AHNAK: variants seen among roughly 807,000 people sequenced by gnomAD.
The protein encoded by AHNAK is AHNAK nucleoprotein.
Under a neutral mutation model 37.8 loss-of-function variants are expected in AHNAK, and 23 were observed. The observed-to-expected ratio is 0.61, with a 90% CI of 0.44 to 0.86. The LOEUF is 0.86. Among genes scored for constraint, AHNAK ranks in the 40% least tolerant of loss-of-function variants. AHNAK has a pLI of 0.00. For synonymous variants in AHNAK, 2,481 were observed against 2,636.3 expected, an observed-to-expected ratio of 0.94 and a Z score of 1.80; for missense variants, 7,411 against 7,319.4, an observed-to-expected ratio of 1.01 and a Z score of -0.46.
chr11:62,483,858 C>CA (rs1173299582), intron 5 of AHNAK, among the ~76,000 whole-genome samples: 1,188 of 77,752 alleles, frequency 0.015, 8 homozygotes, highest in Non-Finnish European at 0.02. Context: ...GACTCCATCT[C>CA]AAAAAAAAAA....
chr11:62,527,230 T>C lies in AHNAK; in HGVS notation c.7187A>G (p.Lys2396Arg), dbSNP rs774541938. 1 of 1,613,522 alleles carries C rather than the reference T, an allele frequency of 6.2e-7. No homozygotes were observed. The highest frequency in any genetic ancestry group is 1.1e-5 in the South Asian group (1 of 90,922). ...CACCTCTCCTTTTGCCTTGGGGCTC[T>C]TCAAGTGTAGATCGAGGTCTGGCAT... ...ISMPDLDLHL[K>R]SPKAKGEVDV... The change falls in exon 5 of 5, where the codon AAG becomes AGG. Residue 2396 changes from lysine (K) to arginine (R), a missense_variant. Physicochemically the swap from Lys to Arg is conservative, Grantham distance 26 (BLOSUM62 2). Transcript: ENST00000378024.
intron 4 of AHNAK, among the ~76,000 whole-genome samples, chr11:62,498,404 A>ATGTAATTATAATTACACTATATGG (rs1939652487): frequency 6.7e-6 from 1 of 150,370 alleles, no homozygotes; most frequent in Non-Finnish European, 1.5e-5. Flanking sequence ...ATTACACTAA[A>ATGTAATTATAATTACACTATATGG]TGTAATTATA....
Position 62,521,630 on chromosome 11 carries a change from C to A in AHNAK, c.12787G>T (p.Asp4263Tyr), listed in dbSNP as rs762905067. The change falls in exon 5 of 5, where the codon GAT (aspartate) becomes TAT (tyrosine). Residue 4263 changes from aspartate to tyrosine, a missense_variant. Physicochemically the swap from Asp to Tyr is radical, Grantham distance 160. Transcript: ENST00000378024. ...ACCTTGGGACCTTTCAGATGCAAAT[C>A]AAAGTCAGGCATGGAGATCTTGGGG... Reference protein sequence around the residue: ...KAPKISMPDFDLHLKGPKVKG... With the variant: ...KAPKISMPDFYLHLKGPKVKG... 1 of 1,613,486 alleles carries A rather than the reference C, an allele frequency of 6.2e-7. No homozygotes were observed. Among genetic ancestry groups the A allele is most frequent in the Admixed American group, 1.7e-5 (1 of 59,940 alleles).
At position 62,516,589 on chromosome 11, in the gene AHNAK, G is replaced by A; in HGVS notation, c.*155C>T. On this transcript the variant is annotated 3_prime_UTR_variant, in exon 5 of 5. Transcript: ENST00000378024. ...GTATAGTTCCAGGAGCCTACAGGCG[G>A]TCGGTTTTTCAGCGCTTGCCACCGG... 1.4e-6 allele frequency: 2 copies of A among 1,473,646 alleles called. No homozygotes were observed. Among genetic ancestry groups the A allele is most frequent in the Non-Finnish European group, 8.9e-7 (1 of 1,123,380 alleles). The allele number at this position is 1,473,646 out of a possible 1,614,324, so 91.3% of individuals were successfully genotyped here. A position where few individuals can be genotyped will look rare whatever the true frequency, so the allele number is the denominator to read the frequency against.
Position 62,533,114 on chromosome 11 carries a change from T to C in AHNAK, c.1303A>G (p.Lys435Glu). Residue 435 changes from lysine to glutamate, a missense_variant, in exon 5 of 5, where the codon AAA becomes GAA. Lys to Glu is a moderately conservative substitution (Grantham distance 56). Transcript: ENST00000378024. ...CCTGATACAGAGAACTTGGGGACTT[T>C]CATCTTGGGCACATTCAGTTTGCTC... ...PGSKLNVPKM[K>E]VPKFSVSGAK... 6.3e-7 allele frequency: 1 copy of C among 1,578,000 alleles called. No individual in the cohort carries two copies.
rs1421127589 is a variant in AHNAK, at chr11:62,523,359, C to G, written c.11058G>C (p.Lys3686Asn). 6.2e-7 allele frequency: 1 copy of G among 1,612,518 alleles called. No homozygotes were observed. The highest frequency in any genetic ancestry group is 8.5e-7 in the Non-Finnish European group (1 of 1,179,482). The change falls in exon 5 of 5, where the codon AAG becomes AAC. Residue 3686 changes from lysine (K) to asparagine (N), a missense_variant. By Grantham distance (94) the Lys-to-Asn change is moderately conservative. Coordinates refer to ENST00000378024, the MANE Select transcript of AHNAK (RefSeq NM_001620.3). ...TGGGCAAAGACACAACCACATCACC[C>G]TTCATTTTGGGTCCCTTCAAGTTCA... The part of the protein sequence containing the change: ...FDLNLKGPKM[K>N]GDVVVSLPKV...
At chr11:62,490,583 T>C (rs1939488424) in intron 5 of AHNAK, among the ~76,000 whole-genome samples, 1 of 152,006 alleles carries the variant, frequency 6.6e-6, no homozygotes, top group Non-Finnish European at 1.5e-5. Flanking sequence ...GGTGGAGCGC[T>C]GGGCAAGGAA....
chr11:62,524,375 T>C lies in AHNAK; in HGVS notation c.10042A>G (p.Lys3348Glu), dbSNP rs937876885. Residue 3348 changes from lysine to glutamate, a missense_variant, in exon 5 of 5, where the codon AAG becomes GAG. Physicochemically the swap from Lys to Glu is moderately conservative, Grantham distance 56 (BLOSUM62 1). Transcript: ENST00000378024. ...TTGGGAAGCTTAAAACGAGATTTCT[T>C]TGACTTGCCTTCGATATTAAGCTTA... ...GPKLNIEGKS[K>E]KSRFKLPKFN... 9 of 1,612,906 alleles carry C rather than the reference T, an allele frequency of 5.6e-6. No individual in the cohort carries two copies. The Admixed American group carries it at 1.0e-4, about 18-fold the overall frequency.
chr11:62,533,942 C>T lies in AHNAK; in HGVS notation c.475G>A (p.Ala159Thr). The T allele has an allele frequency of 1.2e-6, 2 of 1,614,082 alleles. No homozygotes were observed. Among genetic ancestry groups the T allele is most frequent in the Non-Finnish European group, 1.7e-6 (2 of 1,179,982 alleles). Reference protein sequence around the residue: ...RTITVTRRVTAYTVDVTGREG... With the variant: ...RTITVTRRVTTYTVDVTGREG... Reference sequence around the variant, plus strand: ...CGGCCAGTCACATCCACAGTGTAGGCCGTGACCCTTCTGGTCACTGTGATG... The same window carrying T: ...CGGCCAGTCACATCCACAGTGTAGGTCGTGACCCTTCTGGTCACTGTGATG... The change falls in exon 5 of 5, where the codon GCC becomes ACC. Residue 159 changes from alanine (A) to threonine (T), a missense_variant. Ala to Thr is a moderately conservative substitution (Grantham distance 58). Coordinates refer to ENST00000378024, the MANE Select transcript of AHNAK (RefSeq NM_001620.3).
Position 62,486,719 on chromosome 11 carries a change from T to C in AHNAK, c.442+5013A>G, listed in dbSNP as rs557017493. On this transcript the variant is annotated intron_variant, in intron 5 of 5. Coordinates refer to the AHNAK transcript ENST00000257247. ...ACTGAGCTGTACACCTAAAAATGGT[T>C]AAAATGGTCAATTTTATGTTATGTC... Among the ~76,000 whole-genome samples the C allele has an allele frequency of 2.0e-5, 3 of 150,720 alleles. No homozygotes were observed. In the South Asian group the frequency reaches 6.3e-4, roughly 32 times the overall value.
At chr11:62,534,163 C>G in intron 4 of AHNAK, 89 bp from the exon 5 acceptor site, 1 of 1,387,046 alleles carries the variant, frequency 7.2e-7, no homozygotes, top group South Asian at 1.5e-5. Flanking sequence ...AACACGTTGC[C>G]TGTTTCCCAG....
chr11:62,488,488 G>A (rs2905811), intron 5 of AHNAK, among the ~76,000 whole-genome samples: 4 of 150,374 alleles, frequency 2.7e-5, no homozygotes, highest in Admixed American at 2.7e-4. Flanking sequence ...TGCAGCCTCC[G>A]CCCCCTGGGT....
In AHNAK at chr11:62,522,410, T is replaced by C. The variant is rs746378899; in HGVS notation, c.12007A>G (p.Met4003Val). 3.7e-6 allele frequency: 6 copies of C among 1,614,152 alleles called. No individual in the cohort carries two copies. The highest frequency in any genetic ancestry group is 4.2e-6 in the Non-Finnish European group (5 of 1,180,038). Residue 4003 changes from methionine (M) to valine (V), a missense_variant, in exon 5 of 5, where the codon ATG (methionine) becomes GTG (valine). Met to Val is a conservative substitution (Grantham distance 21). Transcript: ENST00000378024. ...TTCAGATGCAAATCAAAGTCAGGCA[T>C]GGAGATCTTGGGGGCTTTGATGTTC... ...EMNIKAPKIS[M>V]PDFDLHLKGP... is the part of the protein sequence containing the mutation.
At chr11:62,448,184 G>A (rs1255613402) in intron 5 of AHNAK, among the ~76,000 whole-genome samples, 1 of 152,162 alleles carries the variant, frequency 6.6e-6, no homozygotes, top group East Asian at 1.9e-4. Flanking sequence ...GAGTGATGAG[G>A]AGAGGGGACA....
In AHNAK at chr11:62,533,018, C is replaced by T. The variant is rs141497648; in HGVS notation, c.1399G>A (p.Gly467Arg). The T allele has an allele frequency of 2.9e-5, 46 of 1,613,978 alleles. No homozygotes were observed. The highest frequency in any genetic ancestry group is 3.8e-5 in the Non-Finnish European group (45 of 1,180,024). Residue 467 changes from glycine to arginine, a missense_variant, in exon 5 of 5, where the codon GGG becomes AGG. Transcript: ENST00000378024. ...GCAATCTCAGGCAGGCTGACATCCCCAGAGACCCCAGGAACAGTCACTTCA... is the reference window on the plus strand; with the variant it reads ...GCAATCTCAGGCAGGCTGACATCCCTAGAGACCCCAGGAACAGTCACTTCA... ...TGEVTVPGVSGDVSLPEIATG... is the reference protein window; with the variant it reads ...TGEVTVPGVSRDVSLPEIATG...
chr11:62,490,392 G>T (rs2134892848), intron 5 of AHNAK, among the ~76,000 whole-genome samples: 1 of 151,924 alleles, frequency 6.6e-6, no homozygotes, highest in East Asian at 1.9e-4. Context: ...GTAGAGACAG[G>T]GTTTCACCGT....
At chr11:62,458,224 G>T (rs1938709982) in intron 5 of AHNAK, among the ~76,000 whole-genome samples, 1 of 152,104 alleles carries the variant, frequency 6.6e-6, no homozygotes. Flanking sequence ...GGCCTGAAAA[G>T]CTGAAATTTT....
rs761042478 is a variant in AHNAK, at chr11:62,532,127, C to A, written c.2290G>T (p.Ala764Ser). Residue 764 changes from alanine to serine, a missense_variant, in exon 5 of 5, where the codon GCA (alanine) becomes TCA (serine). Coordinates refer to ENST00000378024, the MANE Select transcript of AHNAK (RefSeq NM_001620.3). Reference protein sequence around the residue: ...MPKFSVPGFKAEGPEVDVNLP... With the variant: ...MPKFSVPGFKSEGPEVDVNLP... The stretch of plus-strand genomic sequence containing the variant: ...TTCACATCCACTTCTGGGCCCTCTG[C>A]TTTGAACCCTGGCACACTGAATTTG... The A allele has an allele frequency of 6.2e-7, 1 of 1,613,920 alleles. No homozygotes were observed. The highest frequency in any genetic ancestry group is 1.3e-5 in the African/African-American group (1 of 74,934).
At chr11:62,467,216 A>AT (rs1206364736) in intron 5 of AHNAK, among the ~76,000 whole-genome samples, 1 of 151,792 alleles carries the variant, frequency 6.6e-6, no homozygotes, top group Admixed American at 6.6e-5. Context: ...TGTCTTAAAA[A>AT]AAAAAAAAAA....
Sources: gnomAD v4.1 joint callset for allele counts (sites outside exome capture counted in the v4.1 genomes callset) on GRCh38, gnomAD v4.1.1 for gene constraint, MANE v1.5 for transcripts, NCBI Gene and HGNC (gene_info 2026-07-23, HGNC 2026-07-21) for gene names.